HPSE2: variants seen among roughly 807,000 people sequenced by gnomAD.
HPSE2 encodes the protein inactive heparanase-2.
Under a neutral mutation model 60.5 loss-of-function variants are expected in HPSE2, and 38 were observed. The ratio of observed to expected loss-of-function variants is 0.63; its 90% CI spans 0.48 to 0.82. The LOEUF (loss-of-function observed/expected upper bound fraction) is 0.82, where lower values mean the gene tolerates loss of function less well. Among genes scored for constraint, HPSE2 ranks in the 40% least tolerant of loss-of-function variants. The pLI is 0.00. For synonymous variants in HPSE2, 295 were observed against 293.2 expected, an observed-to-expected ratio of 1.01 and a Z score of -0.06; for missense variants, 713 against 740.4, an observed-to-expected ratio of 0.96 and a Z score of 0.43.
chr10:99,307,143 T>C, the HPSE2 span, among the ~76,000 whole-genome samples: 8 of 152,186 alleles, frequency 5.3e-5, no homozygotes, highest in Non-Finnish European at 8.8e-5. Flanking sequence ...GTTGGAGCTG[T>C]GCTGCTTTGT....
chr10:99,213,602 A>C (rs987448968), intron 2 of HPSE2, among the ~76,000 whole-genome samples: 1 of 152,080 alleles, frequency 6.6e-6, no homozygotes, highest in Admixed American at 6.6e-5. Context: ...TAGAAGGCTT[A>C]TGTTCTCCCT....
intron 2 of HPSE2, among the ~76,000 whole-genome samples, chr10:99,229,460 T>G (rs1200444127): frequency 6.6e-6 from 1 of 152,208 alleles, no homozygotes; most frequent in Non-Finnish European, 1.5e-5. Context: ...ATTAGAAATT[T>G]GCTGAAGTTG....
rs1435389081 is a variant in HPSE2 at position 98,471,274 on chromosome 10, C to G, written c.1613+11362G>C. 3.9e-5 allele frequency among the ~76,000 whole-genome samples: 6 copies of G among 152,178 alleles called. 2 individuals carry two copies. The South Asian group carries it at 1.2e-3, about 32-fold the overall frequency. ...CCACATATTTGAATCACCTGGGGAGCTTTAACAAATACTGGTGCCTTGGTC... is the reference window on the plus strand; with the variant it reads ...CCACATATTTGAATCACCTGGGGAGGTTTAACAAATACTGGTGCCTTGGTC... On this transcript the variant is annotated intron_variant, in intron 11 of 11. Transcript: ENST00000370552.
intron 3 of HPSE2, among the ~76,000 whole-genome samples, chr10:98,895,693 T>C (rs10786483): frequency 0.99 from 148,976 of 151,038 alleles, 73,468 homozygotes; most frequent in East Asian, 1. Context: ...CCCAAATGTC[T>C]AACAATGATA....
chr10:98,953,697 G>C (rs1955431779), intron 3 of HPSE2, among the ~76,000 whole-genome samples: 1 of 152,082 alleles, frequency 6.6e-6, no homozygotes, highest in Non-Finnish European at 1.5e-5. Context: ...GAAAAAAACA[G>C]GCATCATGGG....
chr10:99,293,282 A>G, the HPSE2 span, among the ~76,000 whole-genome samples: 3 of 152,236 alleles, frequency 2.0e-5, no homozygotes, highest in African/African-American at 7.2e-5. Context: ...ATCATATAGC[A>G]AATGGTATAA....
At chr10:99,202,743 G>C (rs1848617945) in intron 2 of HPSE2, among the ~76,000 whole-genome samples, 1 of 152,090 alleles carries the variant, frequency 6.6e-6, no homozygotes, top group South Asian at 2.1e-4. Context: ...CACCCCTATA[G>C]ACACATCCAT....
rs1589781067 is a variant in HPSE2, at chr10:99,178,858, C to A, written c.449-34459G>T. Among the ~76,000 whole-genome samples the A allele has an allele frequency of 2.0e-5, 3 of 152,054 alleles. No homozygotes were observed. The East Asian group carries it at 5.8e-4, about 29-fold the overall frequency. On this transcript the variant is annotated intron_variant, in intron 2 of 11. Transcript: ENST00000370552. ...CCAATATCCCTGATGAACATCGATG[C>A]GAAAATCCTCAATAAAATACCGGCA...
chr10:99,302,553 T>C, the HPSE2 span, among the ~76,000 whole-genome samples: 6 of 152,246 alleles, frequency 3.9e-5, no homozygotes, highest in South Asian at 1.2e-3. Context: ...AGCCACACGA[T>C]ATTATACCCA....
intron 2 of HPSE2, among the ~76,000 whole-genome samples, chr10:99,195,581 A>G (rs1254964758): frequency 6.6e-6 from 1 of 152,100 alleles, no homozygotes; most frequent in East Asian, 1.9e-4. Context: ...AATCTGAAAA[A>G]GAAATCAAGA....
chr10:99,286,775 C>T, the HPSE2 span, among the ~76,000 whole-genome samples: 1 of 152,160 alleles, frequency 6.6e-6, no homozygotes, highest in Non-Finnish European at 1.5e-5. Flanking sequence ...TATCCCATTA[C>T]ATTAATGTTG....
At position 99,154,912 on chromosome 10, in the gene HPSE2, A is replaced by C. The variant is rs1038605609; in HGVS notation, c.449-10513T>G. Among the ~76,000 whole-genome samples, 250 of 152,180 alleles carry C rather than the reference A, an allele frequency of 1.6e-3. 1 individual carries two copies. Among genetic ancestry groups the C allele is most frequent in the African/African-American group, 5.6e-3 (233 of 41,538 alleles). Reference sequence around the variant, plus strand: ...AAAATAAAGGGATGGAGGAAGATCTACCAAGCAAATGGAAAACAAAAAAAG... The same window carrying C: ...AAAATAAAGGGATGGAGGAAGATCTCCCAAGCAAATGGAAAACAAAAAAAG... On this transcript the variant is annotated intron_variant, in intron 2 of 11. Coordinates refer to ENST00000370552, the MANE Select transcript of HPSE2 (RefSeq NM_021828.5).
intron 11 of HPSE2, among the ~76,000 whole-genome samples, chr10:98,462,046 T>C (rs1591207278): frequency 6.6e-6 from 1 of 152,336 alleles, no homozygotes; most frequent in East Asian, 1.9e-4. Context: ...CTCACTGCCC[T>C]GTAGCTTTTG....
At chr10:98,730,445 G>A (rs961072415) in intron 4 of HPSE2, among the ~76,000 whole-genome samples, 1 of 151,524 alleles carries the variant, frequency 6.6e-6, no homozygotes, top group Non-Finnish European at 1.5e-5. Context: ...AACTACACCC[G>A]AGCAAAACAA....
chr10:98,960,707 T>TC (rs1253819458), intron 3 of HPSE2, among the ~76,000 whole-genome samples: 1 of 54,196 alleles, frequency 1.8e-5, no homozygotes, highest in Non-Finnish European at 3.7e-5. Context: ...ATTTCTTTTT[T>TC]TTTTTTTTTT....
At chr10:98,739,295 G>C (rs906215889) in intron 4 of HPSE2, among the ~76,000 whole-genome samples, 1 of 151,988 alleles carries the variant, frequency 6.6e-6, no homozygotes, top group African/African-American at 2.4e-5. Flanking sequence ...GCACAGGGAG[G>C]GAAACATCAC....
In HPSE2 at chr10:98,600,843, T is replaced by C. The variant is rs142865631; in HGVS notation, c.1320+14061A>G. On this transcript the variant is annotated intron_variant, in intron 9 of 11. Coordinates refer to ENST00000370552, the MANE Select transcript of HPSE2 (RefSeq NM_021828.5). Reference sequence around the variant, plus strand: ...GTGTAGATATACACAAAGATATATATACACACACATATTATATATATACGT... The same window carrying C: ...GTGTAGATATACACAAAGATATATACACACACACATATTATATATATACGT... 1.4e-3 allele frequency among the ~76,000 whole-genome samples: 201 copies of C among 145,388 alleles called. 1 individual carries two copies. Among genetic ancestry groups the C allele is most frequent in the African/African-American group, 4.7e-3 (188 of 39,888 alleles).
At chr10:99,235,220 G>A (rs989688422) in intron 1 of HPSE2, among the ~76,000 whole-genome samples, 1 of 152,092 alleles carries the variant, frequency 6.6e-6, no homozygotes, top group Non-Finnish European at 1.5e-5. Context: ...GAAGTAGACG[G>A]GAAGGCTAAT....
intron 2 of HPSE2, among the ~76,000 whole-genome samples, chr10:99,162,369 CA>C (rs1415468641): frequency 6.6e-6 from 1 of 152,120 alleles, no homozygotes; most frequent in African/African-American, 2.4e-5. Context: ...TATGAGATTG[CA>C]TATTAAAACT....
Sources: allele counts gnomAD v4.1 joint callset (sites outside exome capture counted in the v4.1 genomes callset), GRCh38; gene constraint gnomAD v4.1.1; transcripts MANE v1.5; gene names NCBI Gene and HGNC (gene_info 2026-07-23, HGNC 2026-07-21).